The following TMEM132B variants were observed in gnomAD, a reference collection of about 807,000 sequenced individuals.
The protein encoded by TMEM132B is transmembrane protein 132B.
A neutral mutation model predicts 90.8 loss-of-function variants in TMEM132B; 18 were observed. That is an observed-to-expected ratio of 0.20 (90% CI 0.14 to 0.29). The LOEUF (loss-of-function observed/expected upper bound fraction) is 0.29, where lower values mean the gene tolerates loss of function less well. Ranked by LOEUF, TMEM132B falls within the 10% of genes least tolerant of loss-of-function variation. TMEM132B has a pLI of 1.00. For missense variants in TMEM132B, 1,096 were observed against 1,326.8 expected (o/e 0.83, Z 2.70); for synonymous variants, 504 against 523.3 (o/e 0.96, Z 0.50).
chr12:125,262,608 G>GT (rs1874593986), intron 1 of TMEM132B, among the ~76,000 whole-genome samples: 1 of 152,174 alleles, frequency 6.6e-6, no homozygotes, highest in Admixed American at 6.5e-5. Flanking sequence ...GAGGCTGTCA[G>GT]TTACCATTTA....
intron 2 of TMEM132B, among the ~76,000 whole-genome samples, chr12:125,351,415 T>A (rs323854): frequency 0.73 from 111,563 of 152,034 alleles, 41,426 homozygotes; most frequent in East Asian, 0.9. Flanking sequence ...GGGCAGAAAA[T>A]TTTTCATTTT....
At chr12:125,612,405 G>A (rs1186384546) in intron 5 of TMEM132B, among the ~76,000 whole-genome samples, 3 of 151,714 alleles carry the variant, frequency 2.0e-5, no homozygotes, top group Non-Finnish European at 4.4e-5. Flanking sequence ...GGAGGTTGCA[G>A]TGAGCTGAGA....
At chr12:125,284,306 G>T (rs1875285281) in intron 1 of TMEM132B, among the ~76,000 whole-genome samples, 3 of 152,162 alleles carry the variant, frequency 2.0e-5, no homozygotes, top group African/African-American at 4.8e-5. Context: ...TCTTTGCAGA[G>T]ATTTTTCTAT....
intron 1 of TMEM132B, among the ~76,000 whole-genome samples, chr12:125,331,202 C>G (rs1414667241): frequency 3.9e-5 from 6 of 152,226 alleles, no homozygotes; most frequent in South Asian, 2.1e-4. Flanking sequence ...TCAGTCCGGG[C>G]TCCCGGGTCG....
rs542374263 is a variant in TMEM132B at position 125,534,822 on chromosome 12, A to G, written c.1293+15197A>G. On this transcript the variant is annotated intron_variant, in intron 4 of 8. Transcript: ENST00000682704. ...CCTGAAGCTATCCAATATGGTAGCC[A>G]TTAGCTTCATGTGGCTATTAAAATT... Among the ~76,000 whole-genome samples, 11 of 152,364 alleles carry G rather than the reference A, an allele frequency of 7.2e-5. No homozygotes were observed. The South Asian group carries it at 2.3e-3, about 32-fold the overall frequency.
chr12:125,448,002 A>G (rs1040434045), intron 3 of TMEM132B, among the ~76,000 whole-genome samples: 1 of 152,192 alleles, frequency 6.6e-6, no homozygotes, highest in Non-Finnish European at 1.5e-5. Context: ...GCGGTGGCTC[A>G]CACCTGTAAT....
In TMEM132B at chr12:125,498,661, G is replaced by A. The variant is rs1002853829; in HGVS notation, c.1107-20778G>A. 6.6e-6 allele frequency among the ~76,000 whole-genome samples: 1 copy of A among 152,190 alleles called. No individual in the cohort carries two copies. Among genetic ancestry groups the A allele is most frequent in the South Asian group, 2.1e-4 (1 of 4,832 alleles). On this transcript the variant is annotated intron_variant, in intron 3 of 8. Transcript: ENST00000682704. This position sits in a 1 kb window ranked among gnomAD's most constrained non-coding sequence, Gnocchi z 4.5. Reference sequence around the variant, plus strand: ...GTAAAGAGGATACCCCCTGATTCTAGTTGGAAAGACCAGCTTACACTCCAG... The same window carrying A: ...GTAAAGAGGATACCCCCTGATTCTAATTGGAAAGACCAGCTTACACTCCAG...
chr12:125,599,737 G>A (rs1401278560), intron 5 of TMEM132B, among the ~76,000 whole-genome samples: 1 of 152,138 alleles, frequency 6.6e-6, no homozygotes, highest in Non-Finnish European at 1.5e-5. Flanking sequence ...TTGAGTCTGG[G>A]AAATCTGGAA....
chr12:125,500,300 G>A (rs903784689), intron 3 of TMEM132B, among the ~76,000 whole-genome samples: 1 of 152,226 alleles, frequency 6.6e-6, no homozygotes, highest in Admixed American at 6.5e-5. Context: ...ATTTCAGGCT[G>A]GGGGAATCTC....
At chr12:125,502,835 CCAGA>C (rs1371366920) in intron 3 of TMEM132B, among the ~76,000 whole-genome samples, 7 of 151,914 alleles carry the variant, frequency 4.6e-5, no homozygotes, top group Admixed American at 3.3e-4. Flanking sequence ...ACTTGGAGAC[CCAGA>C]CAAAGAGTAT....
chr12:125,334,358 C>T (rs564097292), intron 1 of TMEM132B, among the ~76,000 whole-genome samples: 1 of 151,148 alleles, frequency 6.6e-6, no homozygotes, highest in Non-Finnish European at 1.5e-5. Flanking sequence ...ACTCCTTCTA[C>T]CAGACCTCTC....
At chr12:125,324,042 A>G (rs748991103) in intron 1 of TMEM132B, among the ~76,000 whole-genome samples, 6 of 151,822 alleles carry the variant, frequency 4.0e-5, no homozygotes, top group Non-Finnish European at 8.9e-5. Context: ...CACACACACA[A>G]CGGGGGCAGG....
chr12:125,468,571 A>G (rs879608535), intron 3 of TMEM132B, among the ~76,000 whole-genome samples: 13 of 152,158 alleles, frequency 8.5e-5, no homozygotes, highest in Non-Finnish European at 1.8e-4. Flanking sequence ...CATTTGACCA[A>G]TACGTGAGGG....
chr12:125,334,294 C>T (rs868509342), intron 1 of TMEM132B, among the ~76,000 whole-genome samples: 4 of 152,312 alleles, frequency 2.6e-5, no homozygotes, highest in Middle Eastern at 6.8e-3. Context: ...GCTACCAGGA[C>T]AGTGGAAACG....
At chr12:125,307,324 C>T (rs1042787777) in intron 1 of TMEM132B, among the ~76,000 whole-genome samples, 5 of 152,144 alleles carry the variant, frequency 3.3e-5, no homozygotes, top group African/African-American at 4.8e-5. Flanking sequence ...AGGAAGGTTT[C>T]GTGCAGTATC....
chr12:125,258,730 C>T (rs932316172), intron 1 of TMEM132B, among the ~76,000 whole-genome samples: 12 of 152,204 alleles, frequency 7.9e-5, no homozygotes, highest in Admixed American at 2.6e-4. Context: ...TGGCATGGGA[C>T]GCGGTATGCT....
intron 3 of TMEM132B, among the ~76,000 whole-genome samples, chr12:125,487,925 C>T (rs1882243936): frequency 6.6e-6 from 1 of 151,994 alleles, no homozygotes; most frequent in South Asian, 2.1e-4. Flanking sequence ...ATATTATATC[C>T]TGTATTATGA....
intron 1 of TMEM132B, among the ~76,000 whole-genome samples, chr12:125,214,881 G>A (rs1202166520): frequency 6.6e-6 from 1 of 152,238 alleles, no homozygotes; most frequent in Admixed American, 6.5e-5. Context: ...TTGGAAAAGA[G>A]ACTGAGGGCA....
At chr12:125,587,092 T>A (rs1312779389) in intron 5 of TMEM132B, 1 of 151,948 alleles carries the variant, frequency 6.6e-6, no homozygotes, top group Admixed American at 6.6e-5. Context: ...CTGATTCAGT[T>A]CTATCTGTGG....
Sources: allele counts gnomAD v4.1 joint callset (sites outside exome capture counted in the v4.1 genomes callset), GRCh38; gene constraint gnomAD v4.1.1; non-coding constraint Gnocchi (gnomAD v3.1); transcripts MANE v1.5; gene names NCBI Gene and HGNC (gene_info 2026-07-23, HGNC 2026-07-21).